The following SNX27 variants were observed in gnomAD, a reference collection of about 807,000 sequenced individuals.
SNX27 encodes sorting nexin-27.
SNX27 carries 22 observed loss-of-function variants against 71.6 expected under a neutral mutation model. That is an observed-to-expected ratio of 0.31 (90% CI 0.22 to 0.44). The LOEUF (loss-of-function observed/expected upper bound fraction) is 0.44, where lower values mean the gene tolerates loss of function less well. Ranked by LOEUF, SNX27 falls within the 20% of genes least tolerant of loss-of-function variation. The pLI is 1.00. For synonymous variants in SNX27, 269 were observed against 277.2 expected, an observed-to-expected ratio of 0.97 and a Z score of 0.29; for missense variants, 531 against 698.6, an observed-to-expected ratio of 0.76 and a Z score of 2.70.
At chr1:151,649,887 T>C (rs1669244550) in intron 2 of SNX27, among the ~76,000 whole-genome samples, 1 of 151,896 alleles carries the variant, frequency 6.6e-6, no homozygotes, top group South Asian at 2.1e-4. Context: ...TATATTTTAT[T>C]TTATTATTTT....
intron 8 of SNX27, among the ~76,000 whole-genome samples, chr1:151,688,661 T>C (rs1172132608): frequency 2.0e-5 from 3 of 151,972 alleles, no homozygotes; most frequent in Non-Finnish European, 2.9e-5. Context: ...CACCTGTTTT[T>C]ACGAATTTTT....
chr1:151,647,149 T>TA (rs397749266), intron 2 of SNX27, among the ~76,000 whole-genome samples: 25 of 148,892 alleles, frequency 1.7e-4, no homozygotes, highest in African/African-American at 2.2e-4. Context: ...TTTTTTTTTT[T>TA]AATTTGTTTT....
chr1:151,633,074 G>A (rs1275696127), intron 1 of SNX27, among the ~76,000 whole-genome samples: 2 of 151,448 alleles, frequency 1.3e-5, no homozygotes, highest in African/African-American at 4.9e-5. Flanking sequence ...GGGTTTCACC[G>A]TGTTAGCCAG....
chr1:151,669,327 A>G (rs1430321367), intron 7 of SNX27: 1 of 152,238 alleles, frequency 6.6e-6, no homozygotes, highest in African/African-American at 2.4e-5. Flanking sequence ...TGAGATTTAC[A>G]ACAGAGCCAT....
intron 2 of SNX27, among the ~76,000 whole-genome samples, chr1:151,641,482 G>A (rs985744332): frequency 6.6e-6 from 1 of 151,160 alleles, no homozygotes; most frequent in East Asian, 1.9e-4. Context: ...GGGCATTCAT[G>A]TGTCTTCATT....
chr1:151,654,931 G>A (rs1434979150), intron 2 of SNX27, among the ~76,000 whole-genome samples: 3 of 152,110 alleles, frequency 2.0e-5, no homozygotes, highest in Non-Finnish European at 4.4e-5. Flanking sequence ...CTTGTCTACT[G>A]ATTCTTTTGT....
chr1:151,633,917 G>C (rs186074133), intron 1 of SNX27, among the ~76,000 whole-genome samples: 120 of 150,464 alleles, frequency 8.0e-4, no homozygotes, highest in African/African-American at 2.7e-3. Context: ...GTACTATTTT[G>C]AATAAAGCTG....
chr1:151,692,406 C>CTTTTTTTT lies in SNX27; in HGVS notation c.1240-10_1240-3dup, dbSNP rs61159507. 49 of 854,644 alleles carry CTTTTTTTT rather than the reference C, an allele frequency of 5.7e-5. 10 individuals carry two copies. Among genetic ancestry groups the CTTTTTTTT allele is most frequent in the South Asian group, 1.1e-4 (6 of 53,306 alleles). The allele number at this position is 854,644 out of a possible 1,614,324, so 52.9% of individuals were successfully genotyped here. ...TAACCCTGTTTCCTGTTTCTCCTTC[C>CTTTTTTTT]TTTTTTTTTTTTTTTTTTTTTTTTT... On this transcript the variant is annotated intron_variant, in intron 8 of 11. Coordinates refer to ENST00000458013, the MANE Select transcript of SNX27 (RefSeq NM_001330723.2).
chr1:151,657,858 A>G (rs1265089085), intron 2 of SNX27, among the ~76,000 whole-genome samples: 1 of 152,074 alleles, frequency 6.6e-6, no homozygotes, highest in East Asian at 1.9e-4. Context: ...AAAATTAGCC[A>G]GGTATGGTGG....
intron 9 of SNX27, 59 bp from the exon 10 acceptor site, chr1:151,692,852 C>G (rs1571881287): frequency 9.3e-6 from 15 of 1,608,582 alleles, no homozygotes; most frequent in Non-Finnish European, 1.2e-5. Flanking sequence ...CCCCCTACCT[C>G]AGTTCCCCAG....
chr1:151,623,111 T>C (rs1667749310), intron 1 of SNX27, among the ~76,000 whole-genome samples: 1 of 151,288 alleles, frequency 6.6e-6, no homozygotes, highest in South Asian at 2.1e-4. Flanking sequence ...TAGCTGGGAT[T>C]ACAGGCACAT....
In SNX27 at chr1:151,640,550, T is replaced by G. The variant is rs186725817; in HGVS notation, c.543+1431T>G. Among the ~76,000 whole-genome samples, 27 of 152,028 alleles carry G rather than the reference T, an allele frequency of 1.8e-4. No homozygotes were observed. In the East Asian group the frequency reaches 4.5e-3, roughly 25 times the overall value. On this transcript the variant is annotated intron_variant, in intron 2 of 11. Transcript: ENST00000458013. ...CCACCATGCCCTGCTAAGTTTTGTA[T>G]TTTTAGTAGAGATGGTGTTTCACCA...
Position 151,660,787 on chromosome 1 carries a change from A to G in SNX27, c.737-11A>G. On this transcript the variant is annotated splice_polypyrimidine_tract_variant and intron_variant, in intron 3 of 11. Coordinates refer to ENST00000458013, the MANE Select transcript of SNX27 (RefSeq NM_001330723.2). ...AGGCCTTATGCCAGATTTTATCTTT[A>G]TTTTCTACAGTGTGTTCAATACGAG... The G allele has an allele frequency of 6.2e-7, 1 of 1,606,942 alleles. No homozygotes were observed. Among genetic ancestry groups the G allele is most frequent in the Non-Finnish European group, 8.5e-7 (1 of 1,173,772 alleles).
chr1:151,662,814 T>C (rs1670019335), intron 5 of SNX27: 1 of 152,194 alleles, frequency 6.6e-6, no homozygotes, highest in Non-Finnish European at 1.5e-5. Flanking sequence ...AAAAAAACCA[T>C]AACACACATG....
intron 8 of SNX27, among the ~76,000 whole-genome samples, chr1:151,690,120 A>G (rs940685541): frequency 2.0e-5 from 3 of 152,344 alleles, no homozygotes; most frequent in East Asian, 3.9e-4. Flanking sequence ...AAGTGCTGGG[A>G]TTACAGGCAT....
chr1:151,694,099 T>C, intron 11 of SNX27: 1 of 1,251,808 alleles, frequency 8.0e-7, no homozygotes, highest in Non-Finnish European at 1.0e-6. Flanking sequence ...TCTCCTGGCT[T>C]TTTTTTCCCT....
intron 7 of SNX27, among the ~76,000 whole-genome samples, chr1:151,681,544 CTT>C (rs1162018723): frequency 1.3e-5 from 2 of 152,076 alleles, no homozygotes; most frequent in African/African-American, 4.8e-5. Context: ...GCCTGGCCCT[CTT>C]GACTTAATCT....
intron 1 of SNX27, among the ~76,000 whole-genome samples, chr1:151,622,697 T>C (rs1371657927): frequency 1.3e-5 from 2 of 152,208 alleles, no homozygotes; most frequent in Admixed American, 1.3e-4. Context: ...AGTTGTGTTT[T>C]GGTGGTGAAC....
intron 1 of SNX27, among the ~76,000 whole-genome samples, chr1:151,626,273 T>TG (rs1213698051): frequency 6.6e-6 from 1 of 151,682 alleles, no homozygotes; most frequent in East Asian, 1.9e-4. Context: ...AACTTTTTTT[T>TG]TTTTGTTTTT....
Sources: gnomAD v4.1 joint callset for allele counts (sites outside exome capture counted in the v4.1 genomes callset) on GRCh38, gnomAD v4.1.1 for gene constraint, MANE v1.5 for transcripts, NCBI Gene and HGNC (gene_info 2026-07-23, HGNC 2026-07-21) for gene names.